Variants in CTTNBP2 observed in about 807,000 individuals in gnomAD.
The protein encoded by CTTNBP2 is cortactin-binding protein 2.
A neutral mutation model predicts 156.9 loss-of-function variants in CTTNBP2; 108 were observed. The ratio of observed to expected loss-of-function variants is 0.69; its 90% CI spans 0.59 to 0.81. The LOEUF is 0.81. Among genes scored for constraint, CTTNBP2 ranks in the 30% least tolerant of loss-of-function variants. The probability of loss-of-function intolerance (pLI) is 0.00; values close to 1 mark genes in which losing one functional copy is unlikely to be tolerated. For missense variants in CTTNBP2, 1,924 were observed against 2,035.4 expected, an observed-to-expected ratio of 0.95 and a Z score of 1.05; for synonymous variants, 767 against 751.8, an observed-to-expected ratio of 1.02 and a Z score of -0.33.
At position 117,847,819 on chromosome 7, in the gene CTTNBP2, C is replaced by CTTTTTTTTTTTT. The variant is rs201419286; in HGVS notation, c.189+13378_189+13389dup. ...TTTTTATAGATCTTCTTTGCCTAAC[C>CTTTTTTTTTTTT]TTTTTTTTTTTTTTTTTTTTTTTTT... On this transcript the variant is annotated intron_variant, in intron 2 of 22. Coordinates refer to ENST00000160373, the MANE Select transcript of CTTNBP2 (RefSeq NM_033427.3). Among the ~76,000 whole-genome samples the CTTTTTTTTTTTT allele has an allele frequency of 2.3e-4, 21 of 91,354 alleles. 3 individuals carry two copies. Among genetic ancestry groups the CTTTTTTTTTTTT allele is most frequent in the African/African-American group, 9.5e-4 (20 of 21,006 alleles). The allele number at this position is 91,354 out of a possible 152,430, so 59.9% of individuals were successfully genotyped here. A position where few individuals can be genotyped will look rare whatever the true frequency, so the allele number is the denominator to read the frequency against.
chr7:117,788,439 T>G (rs1798818493), intron 4 of CTTNBP2, among the ~76,000 whole-genome samples: 1 of 152,216 alleles, frequency 6.6e-6, no homozygotes, highest in Non-Finnish European at 1.5e-5. Context: ...ATTTGACAGA[T>G]GTGTGTTGTC....
intron 4 of CTTNBP2, among the ~76,000 whole-genome samples, chr7:117,788,589 G>T (rs144930087): frequency 8.5e-5 from 13 of 152,280 alleles, no homozygotes; most frequent in Non-Finnish European, 1.9e-4. Flanking sequence ...GGCAGCTCTG[G>T]TGTTTCTTAG....
At position 117,746,079 on chromosome 7, in the gene CTTNBP2, G is replaced by A. The variant is rs775650032; in HGVS notation, c.3369C>T (p.Val1123=). The change falls in exon 13 of 23, where the codon GTC becomes GTT. Residue 1123 remains valine, a synonymous_variant. Coordinates refer to ENST00000160373, the MANE Select transcript of CTTNBP2 (RefSeq NM_033427.3). The part of the protein sequence containing the change: ...YLRLVEQYHN[V]IFHGPEGSLQ... ...AGCTTCCTTCTGGGCCGTGGAAAAT[G>A]ACATTATGATATTGCTCAACCTATT... 11 of 1,613,808 alleles carry A rather than the reference G, an allele frequency of 6.8e-6. No homozygotes were observed. The East Asian group carries it at 2.2e-4, about 33-fold the overall frequency.
chr7:117,804,853 A>G (rs937841479), intron 3 of CTTNBP2, among the ~76,000 whole-genome samples: 2 of 152,178 alleles, frequency 1.3e-5, no homozygotes, highest in Admixed American at 6.5e-5. Context: ...CAGGTGCAGC[A>G]AACCACCATG....
intron 14 of CTTNBP2, among the ~76,000 whole-genome samples, chr7:117,737,767 G>A (rs1795786517): frequency 6.6e-6 from 1 of 152,014 alleles, no homozygotes; most frequent in South Asian, 2.1e-4. Flanking sequence ...TTTTAATAGA[G>A]ATGGGAGTAA....
intron 2 of CTTNBP2, among the ~76,000 whole-genome samples, chr7:117,846,263 A>G (rs1458108943): frequency 3.3e-5 from 5 of 152,232 alleles, no homozygotes; most frequent in Admixed American, 2.6e-4. Flanking sequence ...AATACTGTAT[A>G]GTCAAGAAGG....
chr7:117,745,955 A>G (rs750562380), intron 13 of CTTNBP2, 25 bp from the exon 14 acceptor site: 12 of 1,610,278 alleles, frequency 7.5e-6, no homozygotes, highest in Non-Finnish European at 8.5e-6. Flanking sequence ...TAGGGTGATT[A>G]GTTCTACGCA....
At chr7:117,790,361 T>A (rs1328371276) in intron 4 of CTTNBP2, among the ~76,000 whole-genome samples, 2 of 152,212 alleles carry the variant, frequency 1.3e-5, no homozygotes, top group Non-Finnish European at 2.9e-5. Flanking sequence ...AGCAATGCTT[T>A]CTCTAGCACT....
intron 2 of CTTNBP2, among the ~76,000 whole-genome samples, chr7:117,852,588 C>T (rs1043825027): frequency 1.3e-5 from 2 of 152,084 alleles, no homozygotes; most frequent in Non-Finnish European, 2.9e-5. Context: ...AAGAAGGACA[C>T]GTTAAAAATC....
At chr7:117,729,689 T>G (rs1341990517) in intron 16 of CTTNBP2, among the ~76,000 whole-genome samples, 1 of 152,114 alleles carries the variant, frequency 6.6e-6, no homozygotes, top group Non-Finnish European at 1.5e-5. Flanking sequence ...TTCTTTTGAA[T>G]TTTACCAGCT....
At chr7:117,868,915 C>CT (rs34559499) in intron 1 of CTTNBP2, among the ~76,000 whole-genome samples, 1 of 152,168 alleles carries the variant, frequency 6.6e-6, no homozygotes, top group Non-Finnish European at 1.5e-5. Flanking sequence ...GCCTAAACTC[C>CT]TTTTTTCCTG....
intron 2 of CTTNBP2, among the ~76,000 whole-genome samples, chr7:117,844,024 G>C (rs1802427605): frequency 6.7e-6 from 1 of 148,222 alleles, no homozygotes; most frequent in South Asian, 2.2e-4. Flanking sequence ...GTCAGAGAAA[G>C]AGGCATGACA....
chr7:117,806,321 A>G (rs888575674), intron 3 of CTTNBP2, among the ~76,000 whole-genome samples: 16 of 152,364 alleles, frequency 1.1e-4, no homozygotes, highest in Admixed American at 9.1e-4. Flanking sequence ...AGCGCTGTAA[A>G]GGCAATTAGT....
intron 1 of CTTNBP2, among the ~76,000 whole-genome samples, chr7:117,866,085 A>C (rs903969419): frequency 2.0e-5 from 3 of 151,786 alleles, no homozygotes; most frequent in African/African-American, 7.3e-5. Flanking sequence ...AAGCGTGGGG[A>C]GGGCATTCTT....
At chr7:117,772,725 A>T (rs1797861186) in intron 8 of CTTNBP2, among the ~76,000 whole-genome samples, 1 of 152,210 alleles carries the variant, frequency 6.6e-6, no homozygotes, top group Non-Finnish European at 1.5e-5. Flanking sequence ...ATGAGATTTT[A>T]GAATCCCTAT....
At chr7:117,819,022 A>G (rs1453096609) in intron 2 of CTTNBP2, among the ~76,000 whole-genome samples, 1 of 152,202 alleles carries the variant, frequency 6.6e-6, no homozygotes, top group Non-Finnish European at 1.5e-5. Flanking sequence ...CTTGGCTTCT[A>G]AACTGTTATA....
intron 8 of CTTNBP2, among the ~76,000 whole-genome samples, chr7:117,768,384 T>C (rs1797615243): frequency 6.6e-6 from 1 of 151,690 alleles, no homozygotes; most frequent in Non-Finnish European, 1.5e-5. Context: ...CTGGCCAACA[T>C]GGTAAAACCC....
At chr7:117,834,495 T>C (rs35285545) in intron 2 of CTTNBP2, among the ~76,000 whole-genome samples, 17 of 152,358 alleles carry the variant, frequency 1.1e-4, no homozygotes, top group African/African-American at 4.1e-4. Context: ...TTTCCCTATT[T>C]ATGACTCCTT....
intron 4 of CTTNBP2, among the ~76,000 whole-genome samples, chr7:117,786,211 T>G (rs1246987825): frequency 6.6e-6 from 1 of 152,226 alleles, no homozygotes. Context: ...ATCTTTATAA[T>G]CAATTATTTG....
Sources: allele counts gnomAD v4.1 joint callset (sites outside exome capture counted in the v4.1 genomes callset), GRCh38; gene constraint gnomAD v4.1.1; transcripts MANE v1.5; gene names NCBI Gene and HGNC (gene_info 2026-07-23, HGNC 2026-07-21).